The following CHD9 variants were observed in gnomAD, a reference collection of about 807,000 sequenced individuals.
CHD9 encodes the protein ATP-dependent chromatin remodeler CHD9.
A neutral mutation model predicts 316.1 loss-of-function variants in CHD9; 77 were observed. The observed-to-expected ratio is 0.24, with a 90% CI of 0.20 to 0.29. The LOEUF is 0.29. CHD9 is among the 10% of genes least tolerant of loss of function. The probability of loss-of-function intolerance (pLI) is 1.00; values close to 1 mark genes in which losing one functional copy is unlikely to be tolerated. For synonymous variants in CHD9, 1,129 were observed against 1,158.3 expected (o/e 0.97, Z 0.51); for missense variants, 2,763 against 3,438.1 (o/e 0.80, Z 4.91).
intron 1 of CHD9, among the ~76,000 whole-genome samples, chr16:53,130,705 G>C (rs2039199357): frequency 4.0e-5 from 6 of 151,564 alleles, no homozygotes; most frequent in African/African-American, 7.3e-5. Flanking sequence ...GCGGAGCAAC[G>C]ACCCCGCCTC....
At chr16:53,093,289 A>C (rs1175034136) in intron 1 of CHD9, among the ~76,000 whole-genome samples, 2 of 152,216 alleles carry the variant, frequency 1.3e-5, no homozygotes, top group South Asian at 2.1e-4. Context: ...TCTGAATCGC[A>C]TTAACTCATC....
chr16:53,254,234 T>C (rs1331413210), intron 17 of CHD9, among the ~76,000 whole-genome samples: 1 of 152,138 alleles, frequency 6.6e-6, no homozygotes, highest in Non-Finnish European at 1.5e-5. Context: ...TATTTAAGCT[T>C]ATAAACCTAA....
rs1425412764 is a variant in CHD9 at position 53,213,596 on chromosome 16, T to C, written c.1784+3783T>C. On this transcript the variant is annotated intron_variant, in intron 3 of 38. Transcript: ENST00000447540. The stretch of plus-strand genomic sequence containing the variant: ...AGGGATATAACTAATAGTTTAGTAA[T>C]ATTAGAGAGTTAGGATGAATTTTAC... Among the ~76,000 whole-genome samples the C allele has an allele frequency of 2.0e-5, 3 of 152,222 alleles. No homozygotes were observed. In the East Asian group the frequency reaches 5.8e-4, roughly 29 times the overall value.
rs1402754373 is a variant in CHD9, at chr16:53,304,567, C to T, written c.6561C>T (p.Ser2187=). The change falls in exon 31 of 39, where the codon TCC becomes TCT. Residue 2187 remains serine, a synonymous_variant. Transcript: ENST00000447540. The stretch of plus-strand genomic sequence containing the variant: ...CTTCCTCCACCTCTTCCTCCTCCTC[C>T]TCCTCTTCATCTTCATCAGAAGAAA... ...SSSSSTSSSS[S]SSSSSSEESD... is the part of the protein sequence containing the mutation. 8 of 1,547,946 alleles carry T rather than the reference C, an allele frequency of 5.2e-6. No individual in the cohort carries two copies. In the East Asian group the frequency reaches 7.3e-5, roughly 14 times the overall value.
intron 1 of CHD9, among the ~76,000 whole-genome samples, chr16:53,136,136 G>C (rs2039694259): frequency 6.6e-6 from 1 of 152,114 alleles, no homozygotes; most frequent in Non-Finnish European, 1.5e-5. Flanking sequence ...ATAGCTGTCA[G>C]ATACTGATGT....
At chr16:53,199,808 C>G (rs1012130164) in intron 2 of CHD9, among the ~76,000 whole-genome samples, 8 of 152,134 alleles carry the variant, frequency 5.3e-5, no homozygotes, top group African/African-American at 1.9e-4. Context: ...TCTTACAGTA[C>G]CAGAAAATAA....
At chr16:53,273,849 C>A in intron 23 of CHD9, 64 bp downstream of exon 23, 2 of 1,424,576 alleles carry the variant, frequency 1.4e-6, no homozygotes, top group Non-Finnish European at 1.9e-6. Flanking sequence ...TATTAATACT[C>A]TTTAAGCTTG....
chr16:53,171,375 C>T (rs922173173), intron 2 of CHD9, among the ~76,000 whole-genome samples: 7 of 151,980 alleles, frequency 4.6e-5, no homozygotes, highest in East Asian at 3.9e-4. Flanking sequence ...TCCGAGATCA[C>T]GCCACTGCAC....
intron 16 of CHD9, among the ~76,000 whole-genome samples, chr16:53,248,327 C>T (rs1425856050): frequency 1.5e-5 from 2 of 131,188 alleles, no homozygotes; most frequent in African/African-American, 3.1e-5. Flanking sequence ...CAGAGCGAAA[C>T]TCTGTCTCAA....
At chr16:53,215,085 T>C (rs1202304956) in intron 3 of CHD9, among the ~76,000 whole-genome samples, 1 of 152,090 alleles carries the variant, frequency 6.6e-6, no homozygotes, top group African/African-American at 2.4e-5. Flanking sequence ...GCTAATTTTT[T>C]GTATTTCTTT....
Position 53,156,320 on chromosome 16 carries a change from A to G in CHD9, c.231A>G (p.Ile77Met), listed in dbSNP as rs1240441180. 6.2e-7 allele frequency: 1 copy of G among 1,614,004 alleles called. No individual in the cohort carries two copies. Among genetic ancestry groups the G allele is most frequent in the African/African-American group, 1.3e-5 (1 of 75,066 alleles). The change falls in exon 2 of 39, where the codon ATA becomes ATG. Residue 77 changes from isoleucine (I) to methionine (M), a missense_variant. Ile to Met is a conservative substitution (Grantham distance 10). Transcript: ENST00000447540. ...AACAGTTAAATCAATTTGATTCAAT[A>G]AAATTTCACCATGTTAATCAATCTT... ...DFEQLNQFDS[I>M]KFHHVNQSFG...
intron 2 of CHD9, among the ~76,000 whole-genome samples, chr16:53,175,524 C>T (rs1412326729): frequency 6.6e-6 from 1 of 152,300 alleles, no homozygotes; most frequent in East Asian, 1.9e-4. Flanking sequence ...CCTATTACTC[C>T]ATCTTGGCCC....
At chr16:53,217,321 T>C (rs888301933) in intron 3 of CHD9, among the ~76,000 whole-genome samples, 1 of 152,222 alleles carries the variant, frequency 6.6e-6, no homozygotes, top group Non-Finnish European at 1.5e-5. Context: ...GGTGCAGATC[T>C]TGGCTTACAG....
chr16:53,194,195 CA>C (rs561576664), intron 2 of CHD9, among the ~76,000 whole-genome samples: 318 of 151,750 alleles, frequency 2.1e-3, no homozygotes, highest in Non-Finnish European at 3.8e-3. Flanking sequence ...CACTGCACTT[CA>C]GCCTGGGCAA....
intron 11 of CHD9, among the ~76,000 whole-genome samples, chr16:53,237,837 C>G (rs1028581811): frequency 1.3e-5 from 2 of 151,552 alleles, no homozygotes; most frequent in Non-Finnish European, 1.5e-5. Context: ...GCCTGAGTAT[C>G]TTTTTTTTCA....
intron 17 of CHD9, among the ~76,000 whole-genome samples, chr16:53,254,109 G>T (rs996667052): frequency 8.6e-5 from 13 of 152,040 alleles, no homozygotes; most frequent in Non-Finnish European, 1.6e-4. Context: ...CCCAGGAGGC[G>T]GAGGTTGCAG....
At chr16:53,271,035 G>A (rs2052205445) in intron 22 of CHD9, among the ~76,000 whole-genome samples, 1 of 151,742 alleles carries the variant, frequency 6.6e-6, no homozygotes. Context: ...AAATAACTGT[G>A]TGCATTCTGG....
rs563463244 is a variant in CHD9, at chr16:53,190,320, C to A, written c.1453-19162C>A. ...AGTTGTTTTTGTCTACACTGAGAAT[C>A]AAAAATTTTATAGTTTTGCTACCCA... On this transcript the variant is annotated intron_variant, in intron 2 of 38. Coordinates refer to ENST00000447540, the MANE Select transcript of CHD9 (RefSeq NM_001308319.2). Among the ~76,000 whole-genome samples the A allele has an allele frequency of 2.6e-5, 4 of 151,994 alleles. 1 individual carries two copies. The highest frequency in any genetic ancestry group is 6.5e-5 in the Admixed American group (1 of 15,274).
At chr16:53,265,170 G>A (rs1490532608) in intron 20 of CHD9, among the ~76,000 whole-genome samples, 2 of 152,136 alleles carry the variant, frequency 1.3e-5, no homozygotes, top group Non-Finnish European at 2.9e-5. Context: ...GGAGGCTGAG[G>A]CAGGAGGATT....
Sources: allele counts gnomAD v4.1 joint callset (sites outside exome capture counted in the v4.1 genomes callset), GRCh38; gene constraint gnomAD v4.1.1; transcripts MANE v1.5; gene names NCBI Gene and HGNC (gene_info 2026-07-23, HGNC 2026-07-21).